MALRD1: variants seen among roughly 807,000 people sequenced by gnomAD.
MALRD1 encodes MAM and LDL-receptor class A domain-containing protein 1.
A neutral mutation model predicts 242.1 loss-of-function variants in MALRD1; 247 were observed. That is an observed-to-expected ratio of 1.02 (90% CI 0.92 to 1.13). MALRD1 has a LOEUF of 1.13. Among genes scored for constraint, MALRD1 ranks in the 50% most tolerant of loss-of-function variants. The pLI, the probability that MALRD1 is intolerant of heterozygous loss-of-function variation, is 0.00. For synonymous variants in MALRD1, 995 were observed against 866.6 expected (o/e 1.15, Z -2.60); for missense variants, 2,989 against 2,533.1 (o/e 1.18, Z -3.86).
intron 31 of MALRD1, among the ~76,000 whole-genome samples, chr10:19,530,359 T>A (rs1393818943): frequency 1.0e-4 from 11 of 107,012 alleles, no homozygotes; most frequent in African/African-American, 5.8e-4. Context: ...TATATAATAT[T>A]TATATAAATA....
At chr10:19,240,754 T>C (rs1024733624) in intron 18 of MALRD1, among the ~76,000 whole-genome samples, 1 of 152,150 alleles carries the variant, frequency 6.6e-6, no homozygotes, top group Non-Finnish European at 1.5e-5. Context: ...CCTACTTTCT[T>C]GACAGTTTTT....
At chr10:19,070,726 T>C (rs1294558562) in intron 2 of MALRD1, among the ~76,000 whole-genome samples, 1 of 152,184 alleles carries the variant, frequency 6.6e-6, no homozygotes, top group East Asian at 1.9e-4. Context: ...TTTTGAATTT[T>C]ATCCTGGATG....
intron 26 of MALRD1, among the ~76,000 whole-genome samples, chr10:19,362,725 T>A (rs993359466): frequency 1.3e-5 from 2 of 152,124 alleles, no homozygotes; most frequent in African/African-American, 4.8e-5. Flanking sequence ...CTGCAAGTGA[T>A]GGGATCTGAC....
At chr10:19,130,266 T>C (rs1244470586) in intron 8 of MALRD1, among the ~76,000 whole-genome samples, 1 of 152,142 alleles carries the variant, frequency 6.6e-6, no homozygotes, top group Non-Finnish European at 1.5e-5. Flanking sequence ...AATTTAACTG[T>C]ATCCACGTAT....
chr10:19,392,101 A>G (rs1168644499), intron 28 of MALRD1, among the ~76,000 whole-genome samples: 1 of 152,234 alleles, frequency 6.6e-6, no homozygotes, highest in African/African-American at 2.4e-5. Flanking sequence ...ATATGGGGTA[A>G]TACTGATTAT....
At chr10:19,609,997 G>A (rs1838822389) in intron 35 of MALRD1, among the ~76,000 whole-genome samples, 1 of 151,914 alleles carries the variant, frequency 6.6e-6, no homozygotes, top group Non-Finnish European at 1.5e-5. Flanking sequence ...AGTCTCAGAA[G>A]TATTTAAAAA....
At chr10:19,698,862 A>G (rs1297360502) in intron 38 of MALRD1, among the ~76,000 whole-genome samples, 1 of 152,224 alleles carries the variant, frequency 6.6e-6, no homozygotes, top group Non-Finnish European at 1.5e-5. Flanking sequence ...CTATGTAGCC[A>G]TAAAAAATGA....
intron 38 of MALRD1, among the ~76,000 whole-genome samples, chr10:19,700,023 C>T (rs1249106239): frequency 3.2e-3 from 143 of 44,812 alleles, no homozygotes; most frequent in African/African-American, 0.013. Flanking sequence ...TTGATTTAGA[C>T]ACACACACAC....
intron 5 of MALRD1, among the ~76,000 whole-genome samples, chr10:19,110,251 C>A (rs1836630022): frequency 1.3e-5 from 2 of 152,266 alleles, no homozygotes; most frequent in African/African-American, 4.8e-5. Flanking sequence ...TTTTTAACAT[C>A]CCTTCTGTTA....
chr10:19,330,428 G>A (rs1843313493), intron 23 of MALRD1, among the ~76,000 whole-genome samples: 1 of 151,900 alleles, frequency 6.6e-6, no homozygotes. Flanking sequence ...TATGGTAACA[G>A]TAAATATTTT....
chr10:19,465,584 A>C (rs1452130703), intron 29 of MALRD1, among the ~76,000 whole-genome samples: 2 of 152,144 alleles, frequency 1.3e-5, no homozygotes, highest in Non-Finnish European at 2.9e-5. Context: ...AGGCTGAAGT[A>C]TAATAGCACG....
chr10:19,586,312 G>T (rs933895258), intron 33 of MALRD1, among the ~76,000 whole-genome samples: 1 of 152,136 alleles, frequency 6.6e-6, no homozygotes, highest in African/African-American at 2.4e-5. Flanking sequence ...CTGCTTTTTA[G>T]AGTTTCCAGT....
chr10:19,414,452 AACTT>A (rs1833421950), intron 28 of MALRD1, among the ~76,000 whole-genome samples: 1 of 152,210 alleles, frequency 6.6e-6, no homozygotes, highest in Non-Finnish European at 1.5e-5. Context: ...ATTGGGGTAA[AACTT>A]AGGAAACTCA....
At chr10:19,357,128 C>A (rs1844675156) in intron 26 of MALRD1, among the ~76,000 whole-genome samples, 1 of 150,348 alleles carries the variant, frequency 6.7e-6, no homozygotes, top group Non-Finnish European at 1.5e-5. Flanking sequence ...AAATAAAAAA[C>A]AAAACAAAAA....
chr10:19,479,805 C>T (rs76868628), intron 29 of MALRD1, among the ~76,000 whole-genome samples: 2,099 of 152,274 alleles, frequency 0.014, 24 homozygotes, highest in Non-Finnish European at 0.024. Context: ...GGCCTTCAAT[C>T]CCTGGCCTTC....
intron 28 of MALRD1, among the ~76,000 whole-genome samples, chr10:19,397,862 T>C (rs960660477): frequency 9.2e-5 from 14 of 151,998 alleles, no homozygotes; most frequent in African/African-American, 2.4e-4. Context: ...AGGCATGAGG[T>C]GATATCCATC....
Position 19,231,539 on chromosome 10 carries a change from C to T in MALRD1, c.2991+21859C>T, listed in dbSNP as rs189993643. Among the ~76,000 whole-genome samples, 911 of 152,180 alleles carry T rather than the reference C, an allele frequency of 6.0e-3. 4 individuals are homozygous for T. Among genetic ancestry groups the T allele is most frequent in the Non-Finnish European group, 0.01 (690 of 67,994 alleles). The stretch of plus-strand genomic sequence containing the variant: ...GGTGGAGATAATTGAATCATAGGGG[C>T]GGTTTCCCCCTGCTGTTCTCGTGGT... On this transcript the variant is annotated intron_variant, in intron 18 of 39. Coordinates refer to ENST00000454679, the MANE Select transcript of MALRD1 (RefSeq NM_001142308.3).
intron 28 of MALRD1, among the ~76,000 whole-genome samples, chr10:19,442,221 A>G (rs866784312): frequency 7.2e-5 from 11 of 152,210 alleles, no homozygotes; most frequent in Admixed American, 5.9e-4. Flanking sequence ...TATCAGCTTA[A>G]GGAGATTTGG....
chr10:19,117,540 G>A (rs570822868), intron 5 of MALRD1, among the ~76,000 whole-genome samples: 1 of 152,038 alleles, frequency 6.6e-6, no homozygotes, highest in East Asian at 1.9e-4. Context: ...GTAGCTCTAG[G>A]GACAGAAGAT....
Sources: allele counts gnomAD v4.1 joint callset (sites outside exome capture counted in the v4.1 genomes callset), GRCh38; gene constraint gnomAD v4.1.1; transcripts MANE v1.5; gene names NCBI Gene and HGNC (gene_info 2026-07-23, HGNC 2026-07-21).